The following NRXN3 variants were observed in gnomAD, a reference collection of about 807,000 sequenced individuals.
The protein encoded by NRXN3 is neurexin III.
In NRXN3, 32 loss-of-function variants were observed where a neutral mutation model predicts 137.6. The ratio of observed to expected loss-of-function variants is 0.23; its 90% CI spans 0.18 to 0.31. NRXN3 has a LOEUF of 0.31. Among genes scored for constraint, NRXN3 ranks in the 10% least tolerant of loss-of-function variants. The pLI is 1.00. For missense variants in NRXN3, 1,574 were observed against 2,062.5 expected (o/e 0.76, Z 4.59); for synonymous variants, 798 against 784.5 (o/e 1.02, Z -0.29).
intron 4 of NRXN3, among the ~76,000 whole-genome samples, chr14:78,343,162 C>T (rs1190675886): frequency 6.6e-6 from 1 of 152,078 alleles, no homozygotes; most frequent in African/African-American, 2.4e-5. Flanking sequence ...ATGAAAAGAG[C>T]TTGGGGTCTT....
At chr14:79,698,007 C>A in intron 19 of NRXN3, 70 bp downstream of exon 19, 2 of 1,356,488 alleles carry the variant, frequency 1.5e-6, no homozygotes, top group Non-Finnish European at 2.1e-6. Context: ...ATGGTCATTG[C>A]TTTATGTAGC....
intron 4 of NRXN3, among the ~76,000 whole-genome samples, chr14:78,609,498 T>C (rs2097281796): frequency 6.6e-6 from 1 of 152,190 alleles, no homozygotes; most frequent in African/African-American, 2.4e-5. Flanking sequence ...TGTGATTTTC[T>C]TAGTTTGTAG....
intron 15 of NRXN3, among the ~76,000 whole-genome samples, chr14:79,420,487 A>G (rs780807208): frequency 2.6e-5 from 4 of 152,082 alleles, no homozygotes; most frequent in Non-Finnish European, 5.9e-5. Context: ...GGCTACACAC[A>G]TTATCTCAAC....
chr14:78,996,632 T>C (rs1228028902), intron 15 of NRXN3, among the ~76,000 whole-genome samples: 1 of 152,152 alleles, frequency 6.6e-6, no homozygotes, highest in Non-Finnish European at 1.5e-5. Flanking sequence ...ACTGATTTGC[T>C]CGGGGAACAA....
chr14:79,696,681 T>C (rs1307625870), intron 18 of NRXN3, among the ~76,000 whole-genome samples: 1 of 151,926 alleles, frequency 6.6e-6, no homozygotes, highest in Non-Finnish European at 1.5e-5. Flanking sequence ...TCTATACTGG[T>C]ATGTTTTTTC....
intron 15 of NRXN3, among the ~76,000 whole-genome samples, chr14:79,416,531 A>G (rs771765727): frequency 1.4e-4 from 22 of 152,140 alleles, no homozygotes; most frequent in Non-Finnish European, 1.8e-4. Context: ...TCCTGAGAAT[A>G]AAGCTCTACT....
At chr14:79,746,636 G>A (rs1263164015) in intron 19 of NRXN3, among the ~76,000 whole-genome samples, 1 of 152,052 alleles carries the variant, frequency 6.6e-6, no homozygotes, top group African/African-American at 2.4e-5. Flanking sequence ...TACTTTTCTT[G>A]CCTTATTCCC....
intron 16 of NRXN3, among the ~76,000 whole-genome samples, chr14:79,649,154 A>G (rs115968246): frequency 1.2e-4 from 19 of 152,174 alleles, no homozygotes; most frequent in Admixed American, 3.9e-4. Context: ...CACTCCCTCA[A>G]TGAACCCATA....
chr14:79,451,382 A>AT (rs1250368499), intron 15 of NRXN3, among the ~76,000 whole-genome samples: 2 of 152,242 alleles, frequency 1.3e-5, no homozygotes, highest in South Asian at 4.1e-4. Flanking sequence ...ACATAATATG[A>AT]TTTTTGTGCC....
rs1367134086 is a variant in NRXN3, at chr14:79,532,316, AATAG to A, written c.3444+64918_3444+64921del. ...CACTGATAATTAAATTTCATATATAAATAGATAATTAATTTTGATATTTAAAAAA... is the reference window on the plus strand; with the variant it reads ...CACTGATAATTAAATTTCATATATAAATAATTAATTTTGATATTTAAAAAA... On this transcript the variant is annotated intron_variant, in intron 16 of 20. Transcript: ENST00000335750. 2.0e-5 allele frequency among the ~76,000 whole-genome samples: 3 copies of A among 152,318 alleles called. No individual in the cohort carries two copies. The East Asian group carries it at 5.8e-4, about 29-fold the overall frequency.
Position 78,803,811 on chromosome 14 carries a change from A to G in NRXN3, c.2236A>G (p.Met746Val). The stretch of plus-strand genomic sequence containing the variant: ...GCTGGATGGGGGGCGTGTCAAGCTC[A>G]TGGTTAACTTAGGTATCGTATGAAG... ...LELDGGRVKL[M>V]VNLDCIRINC... Residue 746 changes from methionine to valine, a missense_variant, in exon 9 of 21, where the codon ATG becomes GTG. Coordinates refer to ENST00000335750, the MANE Select transcript of NRXN3 (RefSeq NM_001330195.2). The G allele has an allele frequency of 6.2e-7, 1 of 1,613,514 alleles. No homozygotes were observed.
intron 10 of NRXN3, among the ~76,000 whole-genome samples, chr14:78,926,408 G>A (rs1378944346): frequency 6.6e-6 from 1 of 150,588 alleles, no homozygotes; most frequent in Non-Finnish European, 1.5e-5. Context: ...ACTGTGGAAA[G>A]CAAAACAGTG....
chr14:79,522,712 A>G (rs964840470), intron 16 of NRXN3, among the ~76,000 whole-genome samples: 8 of 152,134 alleles, frequency 5.3e-5, no homozygotes, highest in African/African-American at 1.9e-4. Context: ...TAGCTGTTCC[A>G]TGGGGAGTTT....
rs1237593065 is a variant in NRXN3 at position 79,861,156 on chromosome 14, A to G, written c.4094-186A>G. On this transcript the variant is annotated intron_variant, in intron 20 of 20. Transcript: ENST00000335750. The surrounding 1 kb of genome is among the most constrained non-coding windows in gnomAD (Gnocchi z 5.4). ...TTTCGCCCCCTCCTCACCATTATTG[A>G]GACCACCAAAGATTCCCTGTCCATG... 7.1e-7 allele frequency: 1 copy of G among 1,410,792 alleles called. No individual in the cohort carries two copies. Among genetic ancestry groups the G allele is most frequent in the Non-Finnish European group, 9.3e-7 (1 of 1,074,748 alleles). The allele number at this position is 1,410,792 out of a possible 1,614,324, so 87.4% of individuals were successfully genotyped here. A position where few individuals can be genotyped will look rare whatever the true frequency, so the allele number is the denominator to read the frequency against.
rs1013178054 is a variant in NRXN3 at position 78,306,312 on chromosome 14, T to C, written c.757+8452T>C. The stretch of plus-strand genomic sequence containing the variant: ...AATACTTTCTCCTCTAAGGTATGAA[T>C]AATGATCTATCTGTTTGTATAGACC... On this transcript the variant is annotated intron_variant, in intron 4 of 20. Coordinates refer to ENST00000335750, the MANE Select transcript of NRXN3 (RefSeq NM_001330195.2). 2.6e-5 allele frequency among the ~76,000 whole-genome samples: 4 copies of C among 152,342 alleles called. No homozygotes were observed. The South Asian group carries it at 6.2e-4, about 24-fold the overall frequency.
In NRXN3 at chr14:79,565,317, A is replaced by ATG. The variant is rs1491068802; in HGVS notation, c.3444+97923_3444+97924dup. On this transcript the variant is annotated intron_variant, in intron 16 of 20. Coordinates refer to ENST00000335750, the MANE Select transcript of NRXN3 (RefSeq NM_001330195.2). ...CATGTGTATATACATATACACACAC[A>ATG]TGTGTGTGTATATATATATACATAT... Among the ~76,000 whole-genome samples, 56 of 127,938 alleles carry ATG rather than the reference A, an allele frequency of 4.4e-4. No individual in the cohort carries two copies. The South Asian group carries it at 0.011, about 26-fold the overall frequency. 83.9% of individuals were successfully genotyped at this position (127,938 alleles called of 152,430 possible). A position where few individuals can be genotyped will look rare whatever the true frequency, so the allele number is the denominator to read the frequency against.
chr14:79,092,913 G>A (rs2049479607), intron 15 of NRXN3, among the ~76,000 whole-genome samples: 1 of 152,142 alleles, frequency 6.6e-6, no homozygotes, highest in South Asian at 2.1e-4. Context: ...ACCTTCTGAG[G>A]AGTCTAACCC....
chr14:78,717,186 A>T (rs924287232), intron 8 of NRXN3, among the ~76,000 whole-genome samples: 9 of 152,200 alleles, frequency 5.9e-5, no homozygotes, highest in Non-Finnish European at 2.9e-5. Context: ...CAGAGGCAGG[A>T]CACAGTGACT....
At chr14:79,582,078 C>A (rs953477064) in intron 16 of NRXN3, among the ~76,000 whole-genome samples, 3 of 152,144 alleles carry the variant, frequency 2.0e-5, no homozygotes, top group African/African-American at 7.2e-5. Context: ...GCACCTGCCA[C>A]CACGATGCCC....
Sources: gnomAD v4.1 joint callset for allele counts (sites outside exome capture counted in the v4.1 genomes callset) on GRCh38, gnomAD v4.1.1 for gene constraint, Gnocchi (gnomAD v3.1) non-coding constraint, MANE v1.5 for transcripts, NCBI Gene and HGNC (gene_info 2026-07-23, HGNC 2026-07-21) for gene names.